Variants in PYGB observed in about 807,000 individuals in gnomAD.
The protein encoded by PYGB is glycogen phosphorylase B.
PYGB carries 82 observed loss-of-function variants against 94.3 expected under a neutral mutation model. The observed-to-expected ratio is 0.87, with a 90% CI of 0.73 to 1.04. The LOEUF (loss-of-function observed/expected upper bound fraction) is 1.04. PYGB is among the 50% of genes least tolerant of loss of function. The pLI is 0.00. For missense variants in PYGB, 1,132 were observed against 1,158.2 expected, an observed-to-expected ratio of 0.98 and a Z score of 0.33; for synonymous variants, 488 against 479.1, an observed-to-expected ratio of 1.02 and a Z score of -0.24.
rs547801230 is a variant in PYGB, at chr20:25,272,038, A to G, written c.528+552A>G. Among the ~76,000 whole-genome samples, 56 of 152,270 alleles carry G rather than the reference A, an allele frequency of 3.7e-4. No individual in the cohort carries two copies. The South Asian group carries it at 5.0e-3, about 14-fold the overall frequency. The stretch of plus-strand genomic sequence containing the variant: ...GAGTGAGCCTCGATCTTGAAGCCTC[A>G]CACTACAGCTAAGTGAGATGGTTGA... On this transcript the variant is annotated intron_variant, in intron 4 of 19. Transcript: ENST00000216962.
At chr20:25,270,884 A>C (rs886274831) in intron 3 of PYGB, among the ~76,000 whole-genome samples, 1 of 152,226 alleles carries the variant, frequency 6.6e-6, no homozygotes, top group East Asian at 1.9e-4. Context: ...GACACGTGCT[A>C]TAGCGCCTTG....
In PYGB at chr20:25,277,231, C is replaced by T. The variant is rs2088320981; in HGVS notation, c.773-13C>T. ...AGGCATGTGTGTGTTGACCCCGCTC[C>T]ATTTCTTCTTAGTCAACGTGGGAGA... On this transcript the variant is annotated splice_polypyrimidine_tract_variant and intron_variant, in intron 6 of 19. Transcript: ENST00000216962. 1 of 1,543,776 alleles carries T rather than the reference C, an allele frequency of 6.5e-7. No individual in the cohort carries two copies. Among genetic ancestry groups the T allele is most frequent in the Non-Finnish European group, 9.0e-7 (1 of 1,116,026 alleles).
chr20:25,297,335 T>C lies in PYGB; in HGVS notation c.*813T>C, dbSNP rs1290101943. ...TGAAACTAGCTGAAGCCTTTTCTTG[T>C]TTTAGCAACTGAAAATTGTACTTGG... On this transcript the variant is annotated 3_prime_UTR_variant, in exon 20 of 20. Transcript: ENST00000216962. 6.6e-6 allele frequency: 1 copy of C among 152,308 alleles called. No homozygotes were observed. The highest frequency in any genetic ancestry group is 1.5e-5 in the Non-Finnish European group (1 of 68,050). The allele number at this position is 152,308 out of a possible 1,614,324, so 9.4% of individuals were successfully genotyped here. A position where few individuals can be genotyped will look rare whatever the true frequency, so the allele number is the denominator to read the frequency against.
intron 14 of PYGB, chr20:25,285,407 A>C (rs373731521): frequency 2.7e-5 from 4 of 148,674 alleles, no homozygotes; most frequent in South Asian, 2.2e-4. Flanking sequence ...CACCACCCCC[A>C]CAGTCAGTTG....
At chr20:25,294,563 G>A (rs530388115) in intron 18 of PYGB, among the ~76,000 whole-genome samples, 1 of 152,232 alleles carries the variant, frequency 6.6e-6, no homozygotes, top group African/African-American at 2.4e-5. Flanking sequence ...CTGAGCAGGA[G>A]GGGGTGTCCT....
chr20:25,278,786 T>A (rs925363963), intron 8 of PYGB, among the ~76,000 whole-genome samples: 1 of 152,056 alleles, frequency 6.6e-6, no homozygotes, highest in African/African-American at 2.4e-5. Flanking sequence ...TGGCCACGGC[T>A]CCTCCCCTCC....
rs1006909417 is a variant in PYGB, at chr20:25,288,324, G to A, written c.1769-101G>A. 5.4e-6 allele frequency: 7 copies of A among 1,301,818 alleles called. No individual in the cohort carries two copies. In the African/African-American group the frequency reaches 8.7e-5, roughly 16 times the overall value. The allele number at this position is 1,301,818 out of a possible 1,614,324, so 80.6% of individuals were successfully genotyped here. A position where few individuals can be genotyped will look rare whatever the true frequency, so the allele number is the denominator to read the frequency against. On this transcript the variant is annotated intron_variant, in intron 14 of 19. Coordinates refer to ENST00000216962, the MANE Select transcript of PYGB (RefSeq NM_002862.4). The stretch of plus-strand genomic sequence containing the variant: ...GGGCTTGAAGTACATGGCGGAGCGT[G>A]CCTGTCCTGCCTCAGGGTCGGCCTC...
At position 25,248,086 on chromosome 20, in the gene PYGB, G is replaced by A; in HGVS notation, c.-93G>A. On this transcript the variant is annotated 5_prime_UTR_variant, in exon 1 of 20. Transcript: ENST00000216962. ...CGCAGAGCCGCAGTGCCGGGCGCCA[G>A]AGCAGCGGCGCCAGAGCAGCTGCAC... 1 of 1,323,154 alleles carries A rather than the reference G, an allele frequency of 7.6e-7. No homozygotes were observed. The highest frequency in any genetic ancestry group is 1.7e-5 in the African/African-American group (1 of 58,548). The allele number at this position is 1,323,154 out of a possible 1,614,324, so 82.0% of individuals were successfully genotyped here.
intron 4 of PYGB, among the ~76,000 whole-genome samples, chr20:25,274,216 G>A (rs1333426576): frequency 1.3e-5 from 2 of 152,208 alleles, no homozygotes; most frequent in Non-Finnish European, 2.9e-5. Context: ...TTCTGTCTCT[G>A]TGCAGGTGCT....
At chr20:25,292,692 C>A in intron 17 of PYGB, 79 bp downstream of exon 17, 1 of 1,502,868 alleles carries the variant, frequency 6.7e-7, no homozygotes, top group South Asian at 1.3e-5. Context: ...ATTGGCTGGA[C>A]TGGGCTCTTG....
rs2088342542 is a variant in PYGB, at chr20:25,279,131, G to A, written c.1074G>A (p.Glu358=). ...PELMRILVDV[E]KVDWDKAWEI... is the part of the protein sequence containing the mutation. ...TCATGCGGATCCTGGTGGACGTGGA[G>A]AAGGTGGACTGGGACAAGGTGAGCA... The change falls in exon 9 of 20, where the codon GAG becomes GAA. Residue 358 remains glutamate, a synonymous_variant. Coordinates refer to ENST00000216962, the MANE Select transcript of PYGB (RefSeq NM_002862.4). 1 of 1,613,864 alleles carries A rather than the reference G, an allele frequency of 6.2e-7. No homozygotes were observed.
intron 6 of PYGB, 52 bp from the exon 7 acceptor site, chr20:25,277,192 G>C: frequency 7.0e-7 from 1 of 1,435,166 alleles, no homozygotes; most frequent in Non-Finnish European, 9.8e-7. Context: ...AGCGGTTGCA[G>C]TGCTGGTGCC....
rs753945878 is a variant in PYGB at position 25,281,041 on chromosome 20, C to T, written c.1332C>T (p.His444=). Residue 444 remains histidine, a synonymous_variant, in exon 11 of 20, where the codon CAC becomes CAT. Transcript: ENST00000216962. The stretch of plus-strand genomic sequence containing the variant: ...ACTGCAAGCGGATCAACATGGCCCA[C>T]CTGTGTGTGATTGGGTCCCATGCTG... ...EGDCKRINMA[H]LCVIGSHAVN... 8.7e-6 allele frequency: 14 copies of T among 1,614,208 alleles called. No individual in the cohort carries two copies. The highest frequency in any genetic ancestry group is 1.1e-5 in the Non-Finnish European group (13 of 1,180,032).
At chr20:25,250,317 G>A (rs1207779479) in intron 1 of PYGB, among the ~76,000 whole-genome samples, 1 of 152,166 alleles carries the variant, frequency 6.6e-6, no homozygotes, top group Non-Finnish European at 1.5e-5. Flanking sequence ...ATGGGCTCAG[G>A]GATTACGGAA....
At position 25,278,543 on chromosome 20, in the gene PYGB, A is replaced by G. The variant is rs2088335840; in HGVS notation, c.999+81A>G. Reference sequence around the variant, plus strand: ...CTTGAGGTTGCTTTCTCATGTCCCAAAAGGGGCTAGAGTGGAATGGTACAT... The same window carrying G: ...CTTGAGGTTGCTTTCTCATGTCCCAGAAGGGGCTAGAGTGGAATGGTACAT... On this transcript the variant is annotated intron_variant, in intron 8 of 19. Coordinates refer to ENST00000216962, the MANE Select transcript of PYGB (RefSeq NM_002862.4). The G allele has an allele frequency of 4.5e-6, 7 of 1,556,234 alleles. No individual in the cohort carries two copies. In the South Asian group the frequency reaches 4.7e-5, roughly 10 times the overall value.
rs780465944 is a variant in PYGB at position 25,284,176 on chromosome 20, G to A, written c.1693G>A (p.Asp565Asn). Residue 565 changes from aspartate (D) to asparagine (N), a missense_variant, in exon 14 of 20, where the codon GAT becomes AAT. Asp to Asn is a conservative substitution (Grantham distance 23). Coordinates refer to ENST00000216962, the MANE Select transcript of PYGB (RefSeq NM_002862.4). ...GAAGATCAACCCCTCCTCCATGTTC[G>A]ATGTGCATGTGAAGAGGATCCACGA... ...KVKINPSSMF[D>N]VHVKRIHEYK... 1.2e-5 allele frequency: 19 copies of A among 1,613,936 alleles called. No homozygotes were observed. The highest frequency in any genetic ancestry group is 2.2e-5 in the South Asian group (2 of 91,074).
chr20:25,261,294 C>A (rs546481956), intron 2 of PYGB, among the ~76,000 whole-genome samples: 121 of 152,312 alleles, frequency 7.9e-4, no homozygotes, highest in African/African-American at 2.8e-3. Context: ...TCCAGAGGAA[C>A]GATCAGGCAG....
At chr20:25,259,830 C>T (rs1209663240) in intron 2 of PYGB, among the ~76,000 whole-genome samples, 1 of 152,236 alleles carries the variant, frequency 6.6e-6, no homozygotes, top group Non-Finnish European at 1.5e-5. Context: ...TCACTTTGAA[C>T]TTAATCCTTT....
At chr20:25,276,908 A>G (rs555161702) in intron 6 of PYGB, 151 bp downstream of exon 6, 17 of 733,106 alleles carry the variant, frequency 2.3e-5, no homozygotes, top group Non-Finnish European at 3.6e-5. Context: ...GTGAAGAGCG[A>G]GGCTGGTGCA....
Sources: gnomAD v4.1 joint callset for allele counts (sites outside exome capture counted in the v4.1 genomes callset) on GRCh38, gnomAD v4.1.1 for gene constraint, MANE v1.5 for transcripts, NCBI Gene and HGNC (gene_info 2026-07-23, HGNC 2026-07-21) for gene names.